The following TCF4 variants were observed in gnomAD, a reference collection of about 807,000 sequenced individuals.
The protein encoded by TCF4 is SL3-3 enhancer factor 2.
A neutral mutation model predicts 82.1 loss-of-function variants in TCF4; 3 were observed. That is an observed-to-expected ratio of 0.04 (90% CI 0.02 to 0.09). TCF4 has a LOEUF of 0.09. TCF4 is among the 10% of genes least tolerant of loss of function. TCF4 has a pLI of 1.00. For synonymous variants in TCF4, 276 were observed against 309.6 expected, an observed-to-expected ratio of 0.89 and a Z score of 1.14; for missense variants, 518 against 852.7, an observed-to-expected ratio of 0.61 and a Z score of 4.89.
chr18:55,301,944 G>A (rs909380740), intron 8 of TCF4, among the ~76,000 whole-genome samples: 5 of 152,070 alleles, frequency 3.3e-5, no homozygotes, highest in Non-Finnish European at 7.4e-5. Context: ...CCGTTTCTGA[G>A]AAAAAAAGAT....
intron 6 of TCF4, among the ~76,000 whole-genome samples, chr18:55,356,064 T>C (rs1408326470): frequency 2.6e-5 from 4 of 152,092 alleles, no homozygotes; most frequent in Admixed American, 6.6e-5. Flanking sequence ...AGCTCTATCA[T>C]AGGGTTATCA....
chr18:55,270,896 T>C (rs769947746), intron 10 of TCF4, among the ~76,000 whole-genome samples: 1 of 152,142 alleles, frequency 6.6e-6, no homozygotes, highest in East Asian at 1.9e-4. Context: ...CATAGGCATC[T>C]GAATGTGTTA....
chr18:55,524,266 T>C lies in TCF4; in HGVS notation c.146-60129A>G, dbSNP rs2096958696. On this transcript the variant is annotated intron_variant, in intron 3 of 19. Transcript: ENST00000354452. ...AAGACTCAGATATATTGTTACTATA[T>C]GGTATTCATTAATAACCACCTTATT... 2.0e-5 allele frequency among the ~76,000 whole-genome samples: 3 copies of C among 152,132 alleles called. No individual in the cohort carries two copies. The South Asian group carries it at 6.2e-4, about 31-fold the overall frequency.
chr18:55,236,526 C>T (rs2049475061), intron 15 of TCF4, among the ~76,000 whole-genome samples: 1 of 151,878 alleles, frequency 6.6e-6, no homozygotes, highest in Non-Finnish European at 1.5e-5. Context: ...CTGAAGTCTG[C>T]TCTCTTATAG....
rs11431395 is a variant in TCF4 at position 55,223,681 on chromosome 18, CT to C, written c.*4353del. 0.019 allele frequency: 2,620 copies of C among 137,780 alleles called. 31 individuals are homozygous for C. Among genetic ancestry groups the C allele is most frequent in the Non-Finnish European group, 0.025 (1,598 of 63,366 alleles). The allele number at this position is 137,780 out of a possible 1,614,324, so 8.5% of individuals were successfully genotyped here. ...TTGAAAACAAGGTGTAACTGTTTAT[CT>C]TTTTTTTTTTTTTTGAAATGTTTTC... On this transcript the variant is annotated 3_prime_UTR_variant, in exon 20 of 20. Transcript: ENST00000354452.
chr18:55,319,017 A>T (rs1158573213), intron 8 of TCF4, among the ~76,000 whole-genome samples: 2 of 152,212 alleles, frequency 1.3e-5, no homozygotes, highest in Admixed American at 6.5e-5. Context: ...GAATTTAAAC[A>T]AGTAATTGAC....
At position 55,250,780 on chromosome 18, in the gene TCF4, T is replaced by C. The variant is rs564637390; in HGVS notation, c.1350+3717A>G. Among the ~76,000 whole-genome samples the C allele has an allele frequency of 3.3e-5, 5 of 152,236 alleles. No individual in the cohort carries two copies. In the South Asian group the frequency reaches 8.3e-4, roughly 25 times the overall value. On this transcript the variant is annotated intron_variant, in intron 15 of 19. Transcript: ENST00000354452. ...GGGGGGAGAGAGACAAAATATAATA[T>C]GTGAGACTCGAGGAATTTACAACAG...
At chr18:55,610,985 C>T (rs775698384) in intron 2 of TCF4, among the ~76,000 whole-genome samples, 3 of 152,184 alleles carry the variant, frequency 2.0e-5, no homozygotes, top group Non-Finnish European at 4.4e-5. Flanking sequence ...TTCATTGACA[C>T]TTACCAATTT....
chr18:55,546,156 T>C (rs949965848), intron 3 of TCF4, among the ~76,000 whole-genome samples: 2 of 151,950 alleles, frequency 1.3e-5, no homozygotes, highest in Non-Finnish European at 2.9e-5. Flanking sequence ...CGTAACAAAG[T>C]GAGACCTCGT....
At chr18:55,602,376 G>A (rs916551663) in intron 2 of TCF4, among the ~76,000 whole-genome samples, 10 of 152,150 alleles carry the variant, frequency 6.6e-5, no homozygotes, top group Non-Finnish European at 1.3e-4. Flanking sequence ...AGCTTTTTTA[G>A]CCATTCCTTT....
intron 3 of TCF4, among the ~76,000 whole-genome samples, chr18:55,572,189 CACTA>C (rs1378609819): frequency 2.6e-5 from 4 of 152,206 alleles, no homozygotes. Context: ...AACCAACTCT[CACTA>C]ACTGACACAG....
At chr18:55,537,915 A>T (rs2097131350) in intron 3 of TCF4, among the ~76,000 whole-genome samples, 1 of 152,084 alleles carries the variant, frequency 6.6e-6, no homozygotes, top group African/African-American at 2.4e-5. Context: ...AATTCACAAG[A>T]GAATGCACTG....
chr18:55,264,810 A>G (rs2058765427), intron 11 of TCF4: 1 of 152,152 alleles, frequency 6.6e-6, no homozygotes, highest in Admixed American at 6.6e-5. Context: ...GCTCTAATCA[A>G]TTTATCTTGC....
intron 3 of TCF4, among the ~76,000 whole-genome samples, chr18:55,498,311 G>A (rs762779312): frequency 6.6e-6 from 1 of 152,112 alleles, no homozygotes; most frequent in Non-Finnish European, 1.5e-5. Flanking sequence ...CCCTGACAGT[G>A]AGTCCCACAG....
intron 16 of TCF4, among the ~76,000 whole-genome samples, chr18:55,233,832 A>T (rs973707306): frequency 6.6e-6 from 1 of 151,878 alleles, no homozygotes; most frequent in African/African-American, 2.4e-5. Flanking sequence ...AAAAAAAAAA[A>T]AAAGTCCATA....
intron 6 of TCF4, among the ~76,000 whole-genome samples, chr18:55,362,609 C>T (rs1487365481): frequency 6.6e-6 from 1 of 152,136 alleles, no homozygotes; most frequent in Non-Finnish European, 1.5e-5. Flanking sequence ...TATTCACACA[C>T]AAAACATTAT....
chr18:55,266,195 A>G (rs1356080516), intron 11 of TCF4: 1 of 152,180 alleles, frequency 6.6e-6, no homozygotes, highest in East Asian at 1.9e-4. Flanking sequence ...GCAAATAGGA[A>G]GGAAGTATGT....
chr18:55,425,288 T>A (rs1205507456), intron 5 of TCF4, among the ~76,000 whole-genome samples: 1 of 151,908 alleles, frequency 6.6e-6, no homozygotes, highest in African/African-American at 2.4e-5. Flanking sequence ...TCTCTTAGCA[T>A]GGGCCCTATC....
intron 8 of TCF4, among the ~76,000 whole-genome samples, chr18:55,332,727 A>T (rs1239422101): frequency 6.6e-6 from 1 of 152,252 alleles, no homozygotes; most frequent in East Asian, 1.9e-4. Flanking sequence ...TGAATTTTTC[A>T]ACCTCGAACT....
Sources: gnomAD v4.1 joint callset for allele counts (sites outside exome capture counted in the v4.1 genomes callset) on GRCh38, gnomAD v4.1.1 for gene constraint, MANE v1.5 for transcripts, NCBI Gene and HGNC (gene_info 2026-07-23, HGNC 2026-07-21) for gene names.